PPP1R9A: variants seen among roughly 807,000 people sequenced by gnomAD.
PPP1R9A encodes neurabin-1.
PPP1R9A carries 59 observed loss-of-function variants against 141.9 expected under a neutral mutation model. The observed-to-expected ratio is 0.42, with a 90% CI of 0.34 to 0.52. The LOEUF is 0.52. Among genes scored for constraint, PPP1R9A ranks in the 20% least tolerant of loss-of-function variants. The probability of loss-of-function intolerance (pLI) is 0.10; values close to 1 mark genes in which losing one functional copy is unlikely to be tolerated. For synonymous variants in PPP1R9A, 500 were observed against 569.7 expected, an observed-to-expected ratio of 0.88 and a Z score of 1.74; for missense variants, 1,444 against 1,611.9, an observed-to-expected ratio of 0.90 and a Z score of 1.78.
At chr7:95,229,929 C>T (rs1207154464) in intron 8 of PPP1R9A, among the ~76,000 whole-genome samples, 1 of 152,144 alleles carries the variant, frequency 6.6e-6, no homozygotes, top group African/African-American at 2.4e-5. Context: ...CTTGCTACCT[C>T]CATCAAAGCA....
In PPP1R9A at chr7:95,198,228, G is replaced by A. The variant is rs1308886870; in HGVS notation, c.1755-121G>A. ...ACCCAAGAAAACCATTTTGAAGTACGTAGGTGATATTACTTTCTTGAGGCT... is the reference window on the plus strand; with the variant it reads ...ACCCAAGAAAACCATTTTGAAGTACATAGGTGATATTACTTTCTTGAGGCT... On this transcript the variant is annotated intron_variant, in intron 5 of 19. Coordinates refer to ENST00000433360, the MANE Select transcript of PPP1R9A (RefSeq NM_001166160.2). 9.3e-6 allele frequency: 8 copies of A among 859,068 alleles called. No individual in the cohort carries two copies. The Admixed American group carries it at 1.1e-4, about 12-fold the overall frequency. The allele number at this position is 859,068 out of a possible 1,614,324, so 53.2% of individuals were successfully genotyped here. A position where few individuals can be genotyped will look rare whatever the true frequency, so the allele number is the denominator to read the frequency against.
At chr7:94,915,266 C>T (rs1003645776) in intron 2 of PPP1R9A, among the ~76,000 whole-genome samples, 16 of 152,114 alleles carry the variant, frequency 1.1e-4, no homozygotes, top group Admixed American at 2.0e-4. Flanking sequence ...TTTTTGGGGG[C>T]TCCGAGTCAT....
In PPP1R9A at chr7:95,286,332, C is replaced by G; in HGVS notation, c.3729+7C>G. The G allele has an allele frequency of 1.2e-6, 2 of 1,612,498 alleles. No individual in the cohort carries two copies. Among genetic ancestry groups the G allele is most frequent in the African/African-American group, 2.7e-5 (2 of 74,988 alleles). ...AGCACTGTCATCAGATGAGGTAATT[C>G]CATGGCACTATGACAGAGCTGCTTT... is the stretch of plus-strand genomic sequence containing the variant. On this transcript the variant is annotated splice_region_variant and intron_variant, in intron 18 of 19. Transcript: ENST00000433360.
chr7:95,081,131 C>A (rs1022498049), intron 2 of PPP1R9A, among the ~76,000 whole-genome samples: 1 of 152,088 alleles, frequency 6.6e-6, no homozygotes, highest in African/African-American at 2.4e-5. Flanking sequence ...ATCAAACTTT[C>A]TGCATAATTT....
chr7:94,953,072 A>G (rs1796658421), intron 2 of PPP1R9A, among the ~76,000 whole-genome samples: 1 of 152,114 alleles, frequency 6.6e-6, no homozygotes, highest in Non-Finnish European at 1.5e-5. Context: ...GTTTTCTTCT[A>G]GGGTTTTTAT....
intron 2 of PPP1R9A, among the ~76,000 whole-genome samples, chr7:95,109,933 T>C (rs1056171425): frequency 4.6e-5 from 7 of 152,032 alleles, no homozygotes; most frequent in African/African-American, 1.7e-4. Flanking sequence ...ATAAAAGCAC[T>C]AACCCTATAC....
Position 94,910,821 on chromosome 7 carries a change from G to T in PPP1R9A, c.708G>T (p.Leu236Phe). The T allele has an allele frequency of 6.2e-7, 1 of 1,613,862 alleles. No individual in the cohort carries two copies. The highest frequency in any genetic ancestry group is 8.5e-7 in the Non-Finnish European group (1 of 1,179,984). The change falls in exon 2 of 20, where the codon TTG becomes TTT. Residue 236 changes from leucine (L) to phenylalanine (F), a missense_variant. This residue lies in a region of PPP1R9A where 490 missense variants were observed against 521.1 expected (regional missense o/e 0.94). Transcript: ENST00000433360. The surrounding 1 kb of genome is among the most constrained non-coding windows in gnomAD (Gnocchi z 4.5). ...NEYSVTGHYP[L>F]NLPSVTVTNL... ...ACTCAGTGACTGGGCATTATCCCTT[G>T]AATTTACCATCTGTTACTGTTACAA...
At chr7:95,014,348 G>A (rs923357465) in intron 2 of PPP1R9A, among the ~76,000 whole-genome samples, 1 of 151,862 alleles carries the variant, frequency 6.6e-6, no homozygotes, top group African/African-American at 2.4e-5. Flanking sequence ...AAATGTGTAG[G>A]CCAGTTAATT....
At chr7:95,229,806 C>A (rs559720091) in intron 8 of PPP1R9A, among the ~76,000 whole-genome samples, 37 of 152,226 alleles carry the variant, frequency 2.4e-4, no homozygotes, top group African/African-American at 8.4e-4. Context: ...CCCTATAGGA[C>A]CCCAGCTCAT....
chr7:95,158,862 A>T (rs1487672335), intron 4 of PPP1R9A, among the ~76,000 whole-genome samples: 1 of 152,234 alleles, frequency 6.6e-6, no homozygotes, highest in Non-Finnish European at 1.5e-5. Context: ...CGCACTAGTA[A>T]TCAGTGAAAT....
chr7:95,086,794 C>T (rs1022654170), intron 2 of PPP1R9A, among the ~76,000 whole-genome samples: 1 of 151,990 alleles, frequency 6.6e-6, no homozygotes, highest in East Asian at 1.9e-4. Flanking sequence ...CAGTGAAAAT[C>T]ACATCAAGGA....
At chr7:95,000,385 A>ATACACATG (rs1802758184) in intron 2 of PPP1R9A, among the ~76,000 whole-genome samples, 1 of 151,946 alleles carries the variant, frequency 6.6e-6, no homozygotes, top group Non-Finnish European at 1.5e-5. Flanking sequence ...ACATACACAT[A>ATACACATG]TGTTTACATC....
chr7:94,993,428 A>G (rs1412119975), intron 2 of PPP1R9A, among the ~76,000 whole-genome samples: 1 of 152,166 alleles, frequency 6.6e-6, no homozygotes, highest in Non-Finnish European at 1.5e-5. Context: ...GTCAATTTAT[A>G]CAAAAGAGCC....
In PPP1R9A at chr7:95,295,577, T is replaced by C. The variant is rs1049818214; in HGVS notation, c.*5274T>C. On this transcript the variant is annotated 3_prime_UTR_variant, in exon 20 of 20. Coordinates refer to ENST00000433360, the MANE Select transcript of PPP1R9A (RefSeq NM_001166160.2). ...AATGTTGCCATCATATGATCATTTA[T>C]TTACTTTTTGTGCAAGCAATGGCAT... 1 of 152,196 alleles carries C rather than the reference T, an allele frequency of 6.6e-6. No homozygotes were observed. The highest frequency in any genetic ancestry group is 2.4e-5 in the African/African-American group (1 of 41,444). The allele number at this position is 152,196 out of a possible 1,614,324, so 9.4% of individuals were successfully genotyped here.
At chr7:95,269,618 T>A in intron 14 of PPP1R9A, 111 bp downstream of exon 14, 1 of 790,326 alleles carries the variant, frequency 1.3e-6, no homozygotes, top group East Asian at 3.3e-5. Context: ...ATAATTAATA[T>A]TAATTTCTTT....
chr7:95,064,390 G>T (rs950880924), intron 2 of PPP1R9A, among the ~76,000 whole-genome samples: 2 of 152,066 alleles, frequency 1.3e-5, no homozygotes, highest in Non-Finnish European at 2.9e-5. Flanking sequence ...TCTCCGTAAG[G>T]CACATCACAA....
chr7:95,216,558 G>T (rs1275018131), intron 7 of PPP1R9A, among the ~76,000 whole-genome samples: 2 of 152,204 alleles, frequency 1.3e-5, no homozygotes, highest in Non-Finnish European at 2.9e-5. Context: ...ACCTTGGGCA[G>T]TATGGCCATT....
chr7:95,243,224 A>G (rs1215468059), intron 8 of PPP1R9A, among the ~76,000 whole-genome samples: 1 of 152,084 alleles, frequency 6.6e-6, no homozygotes, highest in Non-Finnish European at 1.5e-5. Flanking sequence ...AAAAGACTAA[A>G]CAAGCCATCC....
intron 8 of PPP1R9A, among the ~76,000 whole-genome samples, chr7:95,244,522 A>G (rs1214325030): frequency 6.6e-6 from 1 of 152,174 alleles, no homozygotes; most frequent in East Asian, 1.9e-4. Context: ...AGCAACTTAT[A>G]GAAGACACAG....
Sources: gnomAD v4.1 joint callset for allele counts (sites outside exome capture counted in the v4.1 genomes callset) on GRCh38, gnomAD v4.1.1 for gene constraint, gnomAD v4.1.1 regional missense constraint, Gnocchi (gnomAD v3.1) non-coding constraint, MANE v1.5 for transcripts, NCBI Gene and HGNC (gene_info 2026-07-23, HGNC 2026-07-21) for gene names.